ABCB7: variants seen among roughly 807,000 people sequenced by gnomAD.
ABCB7 encodes the protein ATP binding cassette subfamily B member 7, also known as iron-sulfur clusters transporter ABCB7, mitochondrial.
Under a neutral mutation model 54.4 loss-of-function variants are expected in ABCB7, and 7 were observed. That is an observed-to-expected ratio of 0.13 (90% confidence interval 0.07 to 0.24). The LOEUF is 0.24. ABCB7 is among the 10% of genes least tolerant of loss of function. The pLI is 1.00. For missense variants in ABCB7, 356 were observed against 570.4 expected, an observed-to-expected ratio of 0.62 and a Z score of 3.83; for synonymous variants, 218 against 207.1, an observed-to-expected ratio of 1.05 and a Z score of -0.45.
chrX:75,070,312 C>G, intron 10 of ABCB7, 53 bp downstream of exon 10: 1 of 1,086,525 alleles, frequency 9.2e-7, no homozygotes, highest in Non-Finnish European at 1.3e-6. Context: ...AATAATCCTA[C>G]TAATAGGATG....
chrX:75,149,840 G>C (rs941904126), intron 1 of ABCB7, among the ~76,000 whole-genome samples: 1 of 110,953 alleles, frequency 9.0e-6, no homozygotes, highest in Non-Finnish European at 1.9e-5. Context: ...ACCAGTTAGA[G>C]AGAGGGCATT....
rs1248819505 is a variant in ABCB7 at position 75,051,860 on chromosome X, T to A, written c.*1510A>T. The A allele has an allele frequency of 8.9e-6, 1 of 112,720 alleles. No individual in the cohort carries two copies. Among genetic ancestry groups the A allele is most frequent in the Non-Finnish European group, 1.9e-5 (1 of 53,326 alleles). The allele number at this position is 112,720 out of a possible 1,213,427, so 9.3% of individuals were successfully genotyped here. A position where few individuals can be genotyped will look rare whatever the true frequency, so the allele number is the denominator to read the frequency against. On this transcript the variant is annotated 3_prime_UTR_variant, in exon 16 of 16. Coordinates refer to ENST00000373394, the MANE Select transcript of ABCB7 (RefSeq NM_001271696.3). ...CATACATGCACGACATCCCATTTAC[T>A]TGTTTCTTTGTAAACTTCGAATAGA... is the stretch of plus-strand genomic sequence containing the variant.
rs1387577590 is a variant in ABCB7 at position 75,051,751 on chromosome X, A to G, written c.*1619T>C. 1 of 112,490 alleles carries G rather than the reference A, an allele frequency of 8.9e-6. No homozygotes were observed. The highest frequency in any genetic ancestry group is 3.2e-5 in the African/African-American group (1 of 30,989). The allele number at this position is 112,490 out of a possible 1,213,427, so 9.3% of individuals were successfully genotyped here. A position where few individuals can be genotyped will look rare whatever the true frequency, so the allele number is the denominator to read the frequency against. ...ACACAGATTAGAGTCTTGATCATCT[A>G]AAGAGTATAATATGTAATACTCTAT... is the stretch of plus-strand genomic sequence containing the variant. On this transcript the variant is annotated 3_prime_UTR_variant, in exon 16 of 16. Coordinates refer to ENST00000373394, the MANE Select transcript of ABCB7 (RefSeq NM_001271696.3).
intron 1 of ABCB7, among the ~76,000 whole-genome samples, chrX:75,147,186 T>C (rs1486935268): frequency 9.0e-6 from 1 of 111,370 alleles, no homozygotes; most frequent in African/African-American, 3.3e-5. Flanking sequence ...GGTGAGGTTA[T>C]GAAGAAAAAG....
At chrX:75,060,359 A>C (rs1197985843) in intron 14 of ABCB7, 29 bp from the exon 15 acceptor site, 1 of 1,060,835 alleles carries the variant, frequency 9.4e-7, no homozygotes, top group Non-Finnish European at 1.3e-6. Context: ...GAAGAACAGG[A>C]GAAAATAAAA....
intron 9 of ABCB7, 82 bp from the exon 10 acceptor site, chrX:75,070,604 C>A: frequency 1.0e-6 from 1 of 956,693 alleles, no homozygotes; most frequent in Non-Finnish European, 1.5e-6. Context: ...TAGTCTATTA[C>A]GACGGAACAA....
chrX:75,095,473 C>G (rs781473916), intron 4 of ABCB7, among the ~76,000 whole-genome samples: 1 of 112,963 alleles, frequency 8.9e-6, no homozygotes, highest in South Asian at 3.6e-4. Flanking sequence ...ACAATGATCA[C>G]TTTTTAAATA....
intron 1 of ABCB7, among the ~76,000 whole-genome samples, chrX:75,141,018 C>T (rs760057027): frequency 3.6e-4 from 40 of 111,551 alleles, no homozygotes; most frequent in Non-Finnish European, 6.6e-4. Context: ...CTCATGTCTT[C>T]GGGATGAAAG....
chrX:75,074,718 C>G (rs747243468), intron 6 of ABCB7, among the ~76,000 whole-genome samples: 1 of 111,659 alleles, frequency 9.0e-6, no homozygotes, highest in South Asian at 3.8e-4. Context: ...AGACCATTAT[C>G]TTAAGTGAAT....
chrX:75,068,622 T>A, intron 12 of ABCB7, among the ~76,000 whole-genome samples: 2 of 112,152 alleles, frequency 1.8e-5, no homozygotes, highest in East Asian at 5.6e-4. Flanking sequence ...AATTATGTGA[T>A]AGACTCGGTA....
chrX:75,152,641 T>C (rs1247806727), intron 1 of ABCB7, among the ~76,000 whole-genome samples: 1 of 111,199 alleles, frequency 9.0e-6, no homozygotes, highest in Non-Finnish European at 1.9e-5. Flanking sequence ...GAACTACAAA[T>C]AACCCCTTCA....
At chrX:75,148,715 T>C (rs184392145) in intron 1 of ABCB7, among the ~76,000 whole-genome samples, 25 of 111,116 alleles carry the variant, frequency 2.2e-4, no homozygotes, top group Middle Eastern at 9.3e-3. Flanking sequence ...AAGACAGAGG[T>C]ATAAGATGGC....
chrX:75,114,074 T>A, intron 2 of ABCB7, among the ~76,000 whole-genome samples: 1 of 111,833 alleles, frequency 8.9e-6, no homozygotes, highest in Non-Finnish European at 1.9e-5. Context: ...ATAAGAAAAC[T>A]AAGCACATTT....
chrX:75,099,911 A>T (rs2081625989), intron 3 of ABCB7, among the ~76,000 whole-genome samples: 1 of 110,554 alleles, frequency 9.0e-6, no homozygotes, highest in Non-Finnish European at 1.9e-5. Flanking sequence ...TAAAAAAAAA[A>T]AAAGATACTG....
intron 3 of ABCB7, 24 bp from the exon 4 acceptor site, chrX:75,099,085 C>T: frequency 1.7e-6 from 2 of 1,193,227 alleles, no homozygotes; most frequent in Middle Eastern, 4.7e-4. Flanking sequence ...GAAAACAAAG[C>T]AGTGAATAAC....
Position 75,071,790 on chromosome X carries a change from T to C in ABCB7, c.1033-107A>G, listed in dbSNP as rs2081365673. ...TTCATGTATGAATACAATTTTGTAC[T>C]GTAGATTCCATTTTAAAAATTGACT... On this transcript the variant is annotated intron_variant, in intron 8 of 15. Transcript: ENST00000373394. 6 of 536,276 alleles carry C rather than the reference T, an allele frequency of 1.1e-5. No individual in the cohort carries two copies. In the Admixed American group the frequency reaches 1.2e-4, roughly 10 times the overall value. The allele number at this position is 536,276 out of a possible 1,213,427, so 44.2% of individuals were successfully genotyped here. A position where few individuals can be genotyped will look rare whatever the true frequency, so the allele number is the denominator to read the frequency against.
intron 1 of ABCB7, among the ~76,000 whole-genome samples, chrX:75,124,855 T>C (rs904483737): frequency 1.7e-4 from 19 of 111,511 alleles, no homozygotes; most frequent in African/African-American, 5.5e-4. Flanking sequence ...AATGATGAGA[T>C]AATGTAATAA....
intron 4 of ABCB7, among the ~76,000 whole-genome samples, chrX:75,086,260 A>T (rs1283868544): frequency 8.9e-6 from 1 of 112,156 alleles, no homozygotes; most frequent in East Asian, 2.8e-4. Context: ...AATGGTATTC[A>T]TTTAATTTTT....
chrX:75,091,572 T>C, intron 4 of ABCB7, among the ~76,000 whole-genome samples: 1 of 110,624 alleles, frequency 9.0e-6, no homozygotes, highest in Middle Eastern at 4.7e-3. Context: ...CTAGAAGTCA[T>C]AGCTAATGCA....
Sources: gnomAD v4.1 joint callset for allele counts (sites outside exome capture counted in the v4.1 genomes callset) on GRCh38, gnomAD v4.1.1 for gene constraint, MANE v1.5 for transcripts, NCBI Gene and HGNC (gene_info 2026-07-23, HGNC 2026-07-21) for gene names.